Variants in PRKN observed in about 807,000 individuals in gnomAD.
PRKN encodes the protein parkin RBR E3 ubiquitin protein ligase, also known as E3 ubiquitin-protein ligase parkin.
Under a neutral mutation model 59.5 loss-of-function variants are expected in PRKN, and 56 were observed. The observed-to-expected ratio is 0.94, with a 90% CI of 0.76 to 1.18. The LOEUF is 1.18. Among genes scored for constraint, PRKN ranks in the 50% most tolerant of loss-of-function variants. PRKN has a pLI of 0.00. For missense variants in PRKN, 657 were observed against 596.4 expected (o/e 1.10, Z -1.06); for synonymous variants, 250 against 222.1 (o/e 1.13, Z -1.12).
Position 161,379,159 on chromosome 6 carries a change from C to T in PRKN, c.1167+7635G>A, listed in dbSNP as rs1159456834. On this transcript the variant is annotated intron_variant, in intron 10 of 11. Coordinates refer to ENST00000366898, the MANE Select transcript of PRKN (RefSeq NM_004562.3). This position sits in a 1 kb window ranked among gnomAD's most constrained non-coding sequence, Gnocchi z 4.9. The stretch of plus-strand genomic sequence containing the variant: ...TTGGCACCCAGGTGGTTCACTGTGG[C>T]ATCTCTTGGTCCTCCCCTGCCCAAT... 6.6e-6 allele frequency among the ~76,000 whole-genome samples: 1 copy of T among 152,144 alleles called. No individual in the cohort carries two copies. Among genetic ancestry groups the T allele is most frequent in the African/African-American group, 2.4e-5 (1 of 41,416 alleles).
At chr6:162,657,589 A>G (rs1778691258) in intron 1 of PRKN, among the ~76,000 whole-genome samples, 1 of 152,226 alleles carries the variant, frequency 6.6e-6, no homozygotes, top group South Asian at 2.1e-4. Flanking sequence ...GCACCCTGGC[A>G]TCCAAAAGTT....
At chr6:161,644,154 T>C (rs1783841842) in intron 7 of PRKN, among the ~76,000 whole-genome samples, 1 of 152,192 alleles carries the variant, frequency 6.6e-6, no homozygotes, top group Non-Finnish European at 1.5e-5. Context: ...CTCTTGGCTG[T>C]GAGCAATGAG....
intron 5 of PRKN, among the ~76,000 whole-genome samples, chr6:161,995,616 CA>C (rs1482583936): frequency 6.6e-6 from 1 of 151,840 alleles, no homozygotes; most frequent in Non-Finnish European, 1.5e-5. Flanking sequence ...GGACACTTCT[CA>C]AAAGAAGACA....
rs1788014565 is a variant in PRKN, at chr6:161,419,961, G to A, written c.1084-33084C>T. 6.6e-6 allele frequency among the ~76,000 whole-genome samples: 1 copy of A among 152,034 alleles called. No homozygotes were observed. The highest frequency in any genetic ancestry group is 1.5e-5 in the Non-Finnish European group (1 of 68,010). On this transcript the variant is annotated intron_variant, in intron 9 of 11. Coordinates refer to ENST00000366898, the MANE Select transcript of PRKN (RefSeq NM_004562.3). The surrounding 1 kb of genome is among the most constrained non-coding windows in gnomAD (Gnocchi z 4.1). ...ACTTGTTTAAGAACTTGATAAGGCT[G>A]GGCGTGGTGGCTCACGCCTGTAATC...
chr6:162,593,086 A>C (rs1409809271), intron 1 of PRKN, among the ~76,000 whole-genome samples: 1 of 152,074 alleles, frequency 6.6e-6, no homozygotes, highest in African/African-American at 2.4e-5. Flanking sequence ...TAAAGCATTA[A>C]CTCTTCTACT....
chr6:162,373,345 G>C (rs1485560873), intron 2 of PRKN, among the ~76,000 whole-genome samples: 1 of 152,108 alleles, frequency 6.6e-6, no homozygotes, highest in Non-Finnish European at 1.5e-5. Flanking sequence ...TTTTGTGTTT[G>C]TTGAGTTAAT....
chr6:162,409,537 A>C (rs1018054853), intron 2 of PRKN, among the ~76,000 whole-genome samples: 3 of 152,148 alleles, frequency 2.0e-5, no homozygotes, highest in Non-Finnish European at 4.4e-5. Context: ...AACCACATGA[A>C]ATTGCCAATT....
intron 4 of PRKN, among the ~76,000 whole-genome samples, chr6:162,065,085 G>A (rs1259715630): frequency 2.6e-5 from 4 of 152,210 alleles, no homozygotes; most frequent in Non-Finnish European, 5.9e-5. Context: ...ATATGAAAGG[G>A]AGTTTATTAG....
chr6:162,064,332 A>G (rs1388720798), intron 4 of PRKN, among the ~76,000 whole-genome samples: 1 of 152,228 alleles, frequency 6.6e-6, no homozygotes, highest in Non-Finnish European at 1.5e-5. Context: ...GGTAGTAGTT[A>G]CATGAGTGTA....
intron 7 of PRKN, among the ~76,000 whole-genome samples, chr6:161,636,682 C>T (rs1190381852): frequency 6.6e-6 from 1 of 152,160 alleles, no homozygotes; most frequent in Non-Finnish European, 1.5e-5. Context: ...TCGCTTGAGG[C>T]AGGAGTTCAA....
rs369661569 is a variant in PRKN, at chr6:161,506,399, T to C, written c.1083+42455A>G. Among the ~76,000 whole-genome samples, 102 of 152,314 alleles carry C rather than the reference T, an allele frequency of 6.7e-4. No homozygotes were observed. In the South Asian group the frequency reaches 0.021, roughly 31 times the overall value. ...TTTGTATCCTGAGACTTTGCTGAAGTTGCTTATCAGCTTAAGGAGATTTTG... is the reference window on the plus strand; with the variant it reads ...TTTGTATCCTGAGACTTTGCTGAAGCTGCTTATCAGCTTAAGGAGATTTTG... On this transcript the variant is annotated intron_variant, in intron 9 of 11. Coordinates refer to ENST00000366898, the MANE Select transcript of PRKN (RefSeq NM_004562.3).
chr6:162,561,779 CG>C (rs1212345341), intron 1 of PRKN, among the ~76,000 whole-genome samples: 1 of 152,110 alleles, frequency 6.6e-6, no homozygotes, highest in Non-Finnish European at 1.5e-5. Flanking sequence ...TCCCTGTGGT[CG>C]GAACTTGAGT....
chr6:162,339,278 C>G (rs540386457), intron 2 of PRKN, among the ~76,000 whole-genome samples: 7,637 of 142,126 alleles, frequency 0.054, 367 homozygotes, highest in African/African-American at 0.11. Context: ...GCCGCCCCGT[C>G]CGGGAGGGAG....
At chr6:162,216,285 C>G (rs1038117627) in intron 3 of PRKN, among the ~76,000 whole-genome samples, 35 of 151,724 alleles carry the variant, frequency 2.3e-4, no homozygotes, top group African/African-American at 8.5e-4. Flanking sequence ...AATCCCAGCA[C>G]TTTGGGAGGC....
intron 1 of PRKN, among the ~76,000 whole-genome samples, chr6:162,535,522 T>A (rs1778679749): frequency 6.6e-6 from 1 of 152,148 alleles, no homozygotes; most frequent in African/African-American, 2.4e-5. Flanking sequence ...TCTATATATA[T>A]ATAAATCAAA....
intron 6 of PRKN, among the ~76,000 whole-genome samples, chr6:161,822,768 A>C (rs949294619): frequency 2.0e-5 from 3 of 152,216 alleles, no homozygotes; most frequent in African/African-American, 7.2e-5. Context: ...CCAGTCATTG[A>C]CCATTTACCT....
intron 1 of PRKN, among the ~76,000 whole-genome samples, chr6:162,467,720 T>C (rs1316177215): frequency 1.3e-5 from 2 of 151,684 alleles, no homozygotes; most frequent in African/African-American, 4.9e-5. Context: ...GGCCTTCTAT[T>C]GTTCACAGGA....
chr6:162,207,755 CCT>C (rs1476909939), intron 3 of PRKN, among the ~76,000 whole-genome samples: 2 of 152,170 alleles, frequency 1.3e-5, no homozygotes, highest in Non-Finnish European at 2.9e-5. Flanking sequence ...ATGGATACAA[CCT>C]CTCTGTGTGT....
At chr6:161,494,853 T>C (rs1399038833) in intron 9 of PRKN, among the ~76,000 whole-genome samples, 1 of 152,144 alleles carries the variant, frequency 6.6e-6, no homozygotes, top group Non-Finnish European at 1.5e-5. Flanking sequence ...ATCAAGTTCT[T>C]CTAGGATTCA....
Sources: gnomAD v4.1 joint callset for allele counts (sites outside exome capture counted in the v4.1 genomes callset) on GRCh38, gnomAD v4.1.1 for gene constraint, Gnocchi (gnomAD v3.1) non-coding constraint, MANE v1.5 for transcripts, NCBI Gene and HGNC (gene_info 2026-07-23, HGNC 2026-07-21) for gene names.